The following ATP1B2 variants were observed in gnomAD, a reference collection of about 807,000 sequenced individuals.
ATP1B2 encodes the protein ATPase Na+/K+ transporting subunit beta 2.
Under a neutral mutation model 37.3 loss-of-function variants are expected in ATP1B2, and 12 were observed. The ratio of observed to expected loss-of-function variants is 0.32; its 90% CI spans 0.21 to 0.52. The LOEUF (loss-of-function observed/expected upper bound fraction) is 0.52, where lower values mean the gene tolerates loss of function less well. Among genes scored for constraint, ATP1B2 ranks in the 20% least tolerant of loss-of-function variants. ATP1B2 has a pLI of 0.96. For missense variants in ATP1B2, 324 were observed against 391.6 expected, an observed-to-expected ratio of 0.83 and a Z score of 1.46; for synonymous variants, 139 against 140.5, an observed-to-expected ratio of 0.99 and a Z score of 0.07.
chr17:7,648,614 C>A (rs927930499), upstream of ATP1B2, among the ~76,000 whole-genome samples: 2 of 148,700 alleles, frequency 1.3e-5, no homozygotes, highest in Admixed American at 1.3e-4. Flanking sequence ...TATTTTAGTG[C>A]CTCTAAGGGC....
rs2072636198 is a variant in ATP1B2 at position 7,654,456 on chromosome 17, G to A, written c.553-172G>A. On this transcript the variant is annotated intron_variant, in intron 4 of 6. Coordinates refer to ENST00000250111, the MANE Select transcript of ATP1B2 (RefSeq NM_001678.5). This position sits in a 1 kb window ranked among gnomAD's most constrained non-coding sequence, Gnocchi z 4.9. ...CTGGATGCCTTTTGTTTTTTTTTTA[G>A]ACAGGGTCTTGCTATGTTGCCCAGG... is the stretch of plus-strand genomic sequence containing the variant. Among the ~76,000 whole-genome samples the A allele has an allele frequency of 6.6e-6, 1 of 151,602 alleles. No homozygotes were observed. Among genetic ancestry groups the A allele is most frequent in the East Asian group, 1.9e-4 (1 of 5,192 alleles).
In ATP1B2 at chr17:7,653,368, C is replaced by T; in HGVS notation, c.113-6C>T. On this transcript the variant is annotated splice_region_variant and splice_polypyrimidine_tract_variant and intron_variant, in intron 1 of 6. Coordinates refer to ENST00000250111, the MANE Select transcript of ATP1B2 (RefSeq NM_001678.5). ...GGCCCTGCTGACCCTGTTTCCTCCTCCCTAGCCTTTATCCTCCTCTTCTAC... is the reference window on the plus strand; with the variant it reads ...GGCCCTGCTGACCCTGTTTCCTCCTTCCTAGCCTTTATCCTCCTCTTCTAC... 6.2e-7 allele frequency: 1 copy of T among 1,613,946 alleles called. No homozygotes were observed. Among genetic ancestry groups the T allele is most frequent in the African/African-American group, 1.3e-5 (1 of 75,002 alleles).
In ATP1B2 at chr17:7,654,112, A is replaced by T; in HGVS notation, c.407A>T (p.Glu136Val). The T allele has an allele frequency of 6.2e-7, 1 of 1,614,172 alleles. No homozygotes were observed. Among genetic ancestry groups the T allele is most frequent in the Non-Finnish European group, 8.5e-7 (1 of 1,180,032 alleles). Residue 136 changes from glutamate to valine, a missense_variant, in exon 4 of 7, where the codon GAA (glutamate) becomes GTA (valine). Glu to Val is a moderately radical substitution (Grantham distance 121). Coordinates refer to ENST00000250111, the MANE Select transcript of ATP1B2 (RefSeq NM_001678.5). The surrounding 1 kb of genome is among the most constrained non-coding windows in gnomAD (Gnocchi z 4.9). ...GTCTGCCGCCCTGGACGCTATTACG[A>T]ACAGCCAGATAATGGAGTCCTCAAC... is the stretch of plus-strand genomic sequence containing the variant. ...NDVCRPGRYY[E>V]QPDNGVLNYP... is the part of the protein sequence containing the mutation.
chr17:7,649,193 C>T (rs1213939556), upstream of ATP1B2, among the ~76,000 whole-genome samples: 1 of 152,038 alleles, frequency 6.6e-6, no homozygotes, highest in Admixed American at 6.6e-5. Context: ...GCTGGGATTA[C>T]AGGCTCCCAC....
rs1947522243 is a variant in ATP1B2 at position 7,651,250 on chromosome 17, C to T, written c.-269C>T. 2.2e-6 allele frequency: 1 copy of T among 464,326 alleles called. No individual in the cohort carries two copies. 28.8% of individuals were successfully genotyped at this position (464,326 alleles called of 1,614,324 possible). A position where few individuals can be genotyped will look rare whatever the true frequency, so the allele number is the denominator to read the frequency against. On this transcript the variant is annotated 5_prime_UTR_variant, in exon 1 of 7. Coordinates refer to ENST00000250111, the MANE Select transcript of ATP1B2 (RefSeq NM_001678.5). ...TGAAGCTGCATTCATACCCCTTCCTCTTGTTATTCTCCCCTGCTCTGACAG... is the reference window on the plus strand; with the variant it reads ...TGAAGCTGCATTCATACCCCTTCCTTTTGTTATTCTCCCCTGCTCTGACAG...
At chr17:7,648,520 T>C (rs964689657), upstream of ATP1B2, among the ~76,000 whole-genome samples, 36 of 130,910 alleles carry the variant, frequency 2.7e-4, no homozygotes, top group East Asian at 1.2e-3. Context: ...TGAGCAGATA[T>C]CATGCCACTG....
chr17:7,654,730 C>A lies in ATP1B2; in HGVS notation c.609+46C>A. 7 of 1,589,332 alleles carry A rather than the reference C, an allele frequency of 4.4e-6. No individual in the cohort carries two copies. Among genetic ancestry groups the A allele is most frequent in the Non-Finnish European group, 6.0e-6 (7 of 1,157,504 alleles). On this transcript the variant is annotated intron_variant, in intron 5 of 6. Transcript: ENST00000250111. This position sits in a 1 kb window ranked among gnomAD's most constrained non-coding sequence, Gnocchi z 4.9. ...CTGCCTGCTCACCTGAGTGGCTCAC[C>A]TGAGTGTCCTTCATGGTTTCTGTGT...
At position 7,656,973 on chromosome 17, in the gene ATP1B2, G is replaced by T. The variant is rs1045224926; in HGVS notation, c.*1078G>T. 1 of 151,962 alleles carries T rather than the reference G, an allele frequency of 6.6e-6. No individual in the cohort carries two copies. Among genetic ancestry groups the T allele is most frequent in the Non-Finnish European group, 1.5e-5 (1 of 68,164 alleles). 9.4% of individuals were successfully genotyped at this position (151,962 alleles called of 1,614,324 possible). ...TGGGATTACAGGCGTGAGCCACCGCGCCCGGCCTTCAGTTTCTTCCTAGGC... is the reference window on the plus strand; with the variant it reads ...TGGGATTACAGGCGTGAGCCACCGCTCCCGGCCTTCAGTTTCTTCCTAGGC... On this transcript the variant is annotated 3_prime_UTR_variant, in exon 7 of 7. Coordinates refer to ENST00000250111, the MANE Select transcript of ATP1B2 (RefSeq NM_001678.5).
chr17:7,655,586 C>G lies in ATP1B2; in HGVS notation c.669C>G (p.Ile223Met), dbSNP rs764745784. 1.2e-6 allele frequency: 2 copies of G among 1,614,042 alleles called. No homozygotes were observed. Among genetic ancestry groups the G allele is most frequent in the African/African-American group, 2.7e-5 (2 of 74,916 alleles). Residue 223 changes from isoleucine to methionine, a missense_variant, in exon 6 of 7, where the codon ATC (isoleucine) becomes ATG (methionine). Ile to Met is a conservative substitution (Grantham distance 10, BLOSUM62 1). Coordinates refer to ENST00000250111, the MANE Select transcript of ATP1B2 (RefSeq NM_001678.5). The surrounding 1 kb of genome is among the most constrained non-coding windows in gnomAD (Gnocchi z 4.4). ...NFVMFPANGN[I>M]DLMYFPYYGK... ...TCATGTTCCCCGCCAACGGCAACAT[C>G]GACCTCATGTACTTCCCCTACTATG...
In ATP1B2 at chr17:7,656,973, G is replaced by C. The variant is rs1045224926; in HGVS notation, c.*1078G>C. The C allele has an allele frequency of 6.6e-6, 1 of 151,962 alleles. No homozygotes were observed. Among genetic ancestry groups the C allele is most frequent in the African/African-American group, 2.4e-5 (1 of 41,276 alleles). The allele number at this position is 151,962 out of a possible 1,614,324, so 9.4% of individuals were successfully genotyped here. A position where few individuals can be genotyped will look rare whatever the true frequency, so the allele number is the denominator to read the frequency against. Reference sequence around the variant, plus strand: ...TGGGATTACAGGCGTGAGCCACCGCGCCCGGCCTTCAGTTTCTTCCTAGGC... The same window carrying C: ...TGGGATTACAGGCGTGAGCCACCGCCCCCGGCCTTCAGTTTCTTCCTAGGC... On this transcript the variant is annotated 3_prime_UTR_variant, in exon 7 of 7. Coordinates refer to ENST00000250111, the MANE Select transcript of ATP1B2 (RefSeq NM_001678.5).
In ATP1B2 at chr17:7,656,180, G is replaced by A; in HGVS notation, c.*285G>A. On this transcript the variant is annotated 3_prime_UTR_variant, in exon 7 of 7. Coordinates refer to ENST00000250111, the MANE Select transcript of ATP1B2 (RefSeq NM_001678.5). The stretch of plus-strand genomic sequence containing the variant: ...GAGCCTTTCTAGTTCTGGTTTAGCT[G>A]TGAGAGCTATCCACTCTCCTGCCTG... 4.3e-6 allele frequency: 2 copies of A among 469,326 alleles called. No individual in the cohort carries two copies. Among genetic ancestry groups the A allele is most frequent in the South Asian group, 2.5e-5 (1 of 40,552 alleles). The allele number at this position is 469,326 out of a possible 1,614,324, so 29.1% of individuals were successfully genotyped here.
chr17:7,648,001 GT>G (rs2072585394), upstream of ATP1B2, among the ~76,000 whole-genome samples: 1 of 152,134 alleles, frequency 6.6e-6, no homozygotes, highest in South Asian at 2.1e-4. Flanking sequence ...GGAGGCTGAT[GT>G]GGGTGGATCC....
upstream of ATP1B2, among the ~76,000 whole-genome samples, chr17:7,649,383 A>AT (rs921511791): frequency 8.1e-5 from 12 of 148,254 alleles, no homozygotes; most frequent in Middle Eastern, 3.5e-3. Context: ...CGAGATAATG[A>AT]TTTTTTTTTT....
chr17:7,651,362 C>T lies in ATP1B2; in HGVS notation c.-157C>T, dbSNP rs901845370. 1.5e-6 allele frequency: 1 copy of T among 668,156 alleles called. No homozygotes were observed. Among genetic ancestry groups the T allele is most frequent in the African/African-American group, 1.8e-5 (1 of 55,042 alleles). 41.4% of individuals were successfully genotyped at this position (668,156 alleles called of 1,614,324 possible). On this transcript the variant is annotated 5_prime_UTR_variant, in exon 1 of 7. Coordinates refer to ENST00000250111, the MANE Select transcript of ATP1B2 (RefSeq NM_001678.5). ...ACCCCGCAGCGCGTGGTCGTGCACC[C>T]CGGAATCTGCAGCAGCTGCATATCT...
intron 1 of ATP1B2, among the ~76,000 whole-genome samples, chr17:7,653,091 G>A (rs2072624497): frequency 1.3e-5 from 2 of 152,182 alleles, no homozygotes; most frequent in Non-Finnish European, 2.9e-5. Flanking sequence ...GCATGGTTGA[G>A]AAGTTGGAAA....
At chr17:7,649,791 C>G (rs544922070), upstream of ATP1B2, among the ~76,000 whole-genome samples, 27 of 152,026 alleles carry the variant, frequency 1.8e-4, no homozygotes, top group African/African-American at 6.0e-4. Flanking sequence ...ATCTCCTGAC[C>G]TCGTGATCCA....
chr17:7,650,845 C>T (rs1313193218), upstream of ATP1B2, among the ~76,000 whole-genome samples: 2 of 136,872 alleles, frequency 1.5e-5, no homozygotes, highest in South Asian at 2.7e-4. Flanking sequence ...GGCGAGGAGG[C>T]GGAGCTTCTG....
chr17:7,650,488 G>C (rs907839921), upstream of ATP1B2, among the ~76,000 whole-genome samples: 1 of 152,090 alleles, frequency 6.6e-6, no homozygotes, highest in Admixed American at 6.5e-5. Flanking sequence ...CCTCCCGGCT[G>C]GTCTCTTCGC....
Position 7,651,567 on chromosome 17 carries a change from TG to T in ATP1B2, c.51del (p.Trp17Ter). ...GAGCTGCGGGCAGGTGGTTGAGGAG[TG>T]GAAGGAGTTCGTGTGGAACCCGAGG... The part of the protein sequence containing the change: ...KKSCGQVVEE[W>X]KEFVWNPRTH... On this transcript the variant is annotated frameshift_variant, in exon 1 of 7. Transcript: ENST00000250111. LOFTEE classifies it high-confidence loss of function. 1 of 1,606,240 alleles carries T rather than the reference TG, an allele frequency of 6.2e-7. No homozygotes were observed. The highest frequency in any genetic ancestry group is 1.1e-5 in the South Asian group (1 of 89,932).
Sources: allele counts gnomAD v4.1 joint callset (sites outside exome capture counted in the v4.1 genomes callset), GRCh38; gene constraint gnomAD v4.1.1; non-coding constraint Gnocchi (gnomAD v3.1); transcripts MANE v1.5; gene names NCBI Gene and HGNC (gene_info 2026-07-23, HGNC 2026-07-21).